Variants in SIN3B observed in about 807,000 individuals in gnomAD.
The protein encoded by SIN3B is SIN3 transcription regulator family member B.
Under a neutral mutation model 120.2 loss-of-function variants are expected in SIN3B, and 19 were observed. The observed-to-expected ratio is 0.16, with a 90% CI of 0.11 to 0.23. SIN3B has a LOEUF of 0.23. Ranked by LOEUF, SIN3B falls within the 10% of genes least tolerant of loss-of-function variation. The pLI, the probability that SIN3B is intolerant of heterozygous loss-of-function variation, is 1.00. For missense variants in SIN3B, 1,073 were observed against 1,573.0 expected, an observed-to-expected ratio of 0.68 and a Z score of 5.38; for synonymous variants, 654 against 653.2, an observed-to-expected ratio of 1.00 and a Z score of -0.02.
chr19:16,841,845 G>A lies in SIN3B; in HGVS notation c.459G>A (p.Val153=), dbSNP rs1413502056. Residue 153 remains valine (V), a synonymous_variant, in exon 4 of 19, where the codon GTG becomes GTA. Transcript: ENST00000248054. The part of the protein sequence containing the change: ...QVPYKEDKPQ[V]PLESDSVEFN... ...CGTATAAAGAGGACAAACCCCAGGT[G>A]CCCCTGGAGTCCGATTCCGTGGAAT... 1.9e-6 allele frequency: 3 copies of A among 1,613,962 alleles called. No homozygotes were observed. Among genetic ancestry groups the A allele is most frequent in the African/African-American group, 1.3e-5 (1 of 74,886 alleles).
intron 3 of SIN3B, among the ~76,000 whole-genome samples, chr19:16,834,515 T>G (rs1599587102): frequency 6.6e-6 from 1 of 152,128 alleles, no homozygotes; most frequent in Admixed American, 6.5e-5. Flanking sequence ...ATGATGACGG[T>G]GCAGACCCAT....
intron 13 of SIN3B, among the ~76,000 whole-genome samples, chr19:16,870,454 G>A (rs1042267884): frequency 6.6e-5 from 10 of 151,362 alleles, no homozygotes; most frequent in African/African-American, 2.4e-4. Flanking sequence ...GCAGGATCTC[G>A]GCCCACTGCA....
At chr19:16,853,715 G>A (rs536187209) in intron 7 of SIN3B, among the ~76,000 whole-genome samples, 21 of 150,960 alleles carry the variant, frequency 1.4e-4, no homozygotes, top group Admixed American at 3.9e-4. Flanking sequence ...CACGGGCTGC[G>A]TGAATTGCAC....
intron 8 of SIN3B, among the ~76,000 whole-genome samples, chr19:16,859,692 G>C (rs1303355767): frequency 1.3e-5 from 2 of 152,198 alleles, no homozygotes; most frequent in Admixed American, 1.3e-4. Flanking sequence ...CCTGGGGTCT[G>C]TTTGTGACGT....
chr19:16,861,138 T>C (rs1399945714), intron 8 of SIN3B, among the ~76,000 whole-genome samples: 1 of 152,156 alleles, frequency 6.6e-6, no homozygotes, highest in African/African-American at 2.4e-5. Context: ...ATTATGACTT[T>C]CAAGCTTGTG....
rs376985614 is a variant in SIN3B, at chr19:16,875,856, T to TTGGTC, written c.2593-171_2593-167dup. 1.8e-3 allele frequency: 1,155 copies of TTGGTC among 629,352 alleles called. 9 individuals carry two copies. Among genetic ancestry groups the TTGGTC allele is most frequent in the African/African-American group, 0.014 (722 of 53,208 alleles). The allele number at this position is 629,352 out of a possible 1,614,324, so 39.0% of individuals were successfully genotyped here. A position where few individuals can be genotyped will look rare whatever the true frequency, so the allele number is the denominator to read the frequency against. On this transcript the variant is annotated intron_variant, in intron 14 of 18. Transcript: ENST00000248054. ...TTTGGTCTGGTCTGGTCTGGTCTGT[T>TTGGTC]TGGTCTGGTCTGGTCTGGTCTGGTC...
At chr19:16,860,104 G>T (rs373996964) in intron 8 of SIN3B, among the ~76,000 whole-genome samples, 12 of 152,204 alleles carry the variant, frequency 7.9e-5, no homozygotes, top group African/African-American at 2.9e-4. Flanking sequence ...AGACTCGTAT[G>T]GGGAAGGGCG....
chr19:16,866,638 T>A, intron 12 of SIN3B, 82 bp downstream of exon 12: 1 of 1,399,928 alleles, frequency 7.1e-7, no homozygotes, highest in Non-Finnish European at 1.0e-6. Flanking sequence ...TCTGTTTCCC[T>A]GGTGGTTAGG....
At position 16,831,650 on chromosome 19, in the gene SIN3B, A is replaced by AT; in HGVS notation, c.381+4dup. 2 of 1,613,812 alleles carry AT rather than the reference A, an allele frequency of 1.2e-6. No homozygotes were observed. The highest frequency in any genetic ancestry group is 1.7e-6 in the Non-Finnish European group (2 of 1,179,772). ...TACAGTCGCCTCTGACAAGCCAGGT[A>AT]TGCCACTACAGTGGTTCGGGTGATC... On this transcript the variant is annotated splice_donor_region_variant and intron_variant, in intron 3 of 18. Coordinates refer to ENST00000248054, the MANE Select transcript of SIN3B (RefSeq NM_001297595.2).
At chr19:16,846,168 C>T (rs532982852) in intron 4 of SIN3B, 4 of 152,188 alleles carry the variant, frequency 2.6e-5, no homozygotes, top group Non-Finnish European at 4.4e-5. Context: ...GTGGCCTTTG[C>T]TTGTTTTTAA....
chr19:16,859,706 T>C (rs1198098876), intron 8 of SIN3B, among the ~76,000 whole-genome samples: 2 of 152,148 alleles, frequency 1.3e-5, no homozygotes, highest in African/African-American at 4.8e-5. Context: ...GTGACGTGGG[T>C]GGTGGGCACA....
intron 14 of SIN3B, among the ~76,000 whole-genome samples, chr19:16,873,185 C>T (rs2051535114): frequency 6.6e-6 from 1 of 152,136 alleles, no homozygotes; most frequent in Admixed American, 6.5e-5. Flanking sequence ...CCTGTCCTTT[C>T]ATGGCCGTTG....
intron 12 of SIN3B, among the ~76,000 whole-genome samples, chr19:16,866,989 T>C (rs1971784331): frequency 6.6e-6 from 1 of 152,158 alleles, no homozygotes; most frequent in Non-Finnish European, 1.5e-5. Context: ...ACTCCTGACC[T>C]CGTGATCCAC....
intron 12 of SIN3B, among the ~76,000 whole-genome samples, chr19:16,868,226 G>T (rs1052929955): frequency 6.6e-6 from 1 of 152,206 alleles, no homozygotes; most frequent in African/African-American, 2.4e-5. Context: ...ACACTGAAGA[G>T]CCCAGAGCAG....
intron 11 of SIN3B, among the ~76,000 whole-genome samples, chr19:16,865,879 C>T (rs568615038): frequency 5.3e-5 from 8 of 152,202 alleles, no homozygotes; most frequent in Non-Finnish European, 1.0e-4. Context: ...CCACCTTGCA[C>T]ATAATACATC....
intron 3 of SIN3B, among the ~76,000 whole-genome samples, chr19:16,840,002 TCAAAA>T (rs1242826589): frequency 6.6e-6 from 1 of 152,132 alleles, no homozygotes; most frequent in African/African-American, 2.4e-5. Context: ...AGACTCCATC[TCAAAA>T]CAAAAAGAAC....
At chr19:16,832,817 A>G (rs1187978855) in intron 3 of SIN3B, among the ~76,000 whole-genome samples, 5 of 152,112 alleles carry the variant, frequency 3.3e-5, no homozygotes, top group East Asian at 1.9e-4. Context: ...TGCCCCTTCT[A>G]TCTCTGCAGT....
At chr19:16,866,966 A>G (rs1446827484) in intron 12 of SIN3B, among the ~76,000 whole-genome samples, 1 of 152,124 alleles carries the variant, frequency 6.6e-6, no homozygotes, top group Non-Finnish European at 1.5e-5. Context: ...CATGTTGGCC[A>G]GGCTGGTCTT....
At chr19:16,861,432 G>A (rs1466327201) in intron 8 of SIN3B, among the ~76,000 whole-genome samples, 1 of 152,162 alleles carries the variant, frequency 6.6e-6, no homozygotes, top group African/African-American at 2.4e-5. Flanking sequence ...TTCAAGACCA[G>A]CTTGGGCAAC....
Sources: allele counts gnomAD v4.1 joint callset (sites outside exome capture counted in the v4.1 genomes callset), GRCh38; gene constraint gnomAD v4.1.1; transcripts MANE v1.5; gene names NCBI Gene and HGNC (gene_info 2026-07-23, HGNC 2026-07-21).